Variants in TPST2 observed in about 807,000 individuals in gnomAD.
TPST2 encodes protein-tyrosine sulfotransferase 2.
Under a neutral mutation model 27.8 loss-of-function variants are expected in TPST2, and 16 were observed. That is an observed-to-expected ratio of 0.58 (90% CI 0.39 to 0.88). TPST2 has a LOEUF of 0.88. Ranked by LOEUF, TPST2 falls within the 40% of genes least tolerant of loss-of-function variation. The pLI, the probability that TPST2 is intolerant of heterozygous loss-of-function variation, is 0.00. For missense variants in TPST2, 464 were observed against 543.1 expected (o/e 0.85, Z 1.45); for synonymous variants, 229 against 231.7 (o/e 0.99, Z 0.10).
intron 4 of TPST2, among the ~76,000 whole-genome samples, chr22:26,535,655 A>C (rs935981467): frequency 2.6e-5 from 4 of 152,184 alleles, no homozygotes; most frequent in Non-Finnish European, 4.4e-5. Flanking sequence ...GTGCACCTGC[A>C]GTCCTAGCTA....
At chr22:26,559,373 A>G (rs549803572) in intron 1 of TPST2, among the ~76,000 whole-genome samples, 100 of 152,370 alleles carry the variant, frequency 6.6e-4, no homozygotes, top group African/African-American at 2.3e-3. Flanking sequence ...CTCAAAAAAA[A>G]TAAAAAAATA....
chr22:26,566,862 T>C (rs2147226191), intron 1 of TPST2, among the ~76,000 whole-genome samples: 1 of 152,340 alleles, frequency 6.6e-6, no homozygotes, highest in Admixed American at 6.5e-5. Flanking sequence ...ATTGTAATTG[T>C]CCATCTTGGA....
chr22:26,555,720 C>T (rs111884160), intron 1 of TPST2, among the ~76,000 whole-genome samples: 3,571 of 152,312 alleles, frequency 0.023, 146 homozygotes, highest in African/African-American at 0.082. Context: ...GTTCAGGGCA[C>T]GCTGGAGCAC....
intron 5 of TPST2, among the ~76,000 whole-genome samples, chr22:26,531,793 T>C (rs1400526870): frequency 6.6e-6 from 1 of 152,180 alleles, no homozygotes; most frequent in Non-Finnish European, 1.5e-5. Context: ...GTGCGCAGGC[T>C]ATCCACACTT....
At chr22:26,529,002 A>AAAC (rs1555927206) in intron 5 of TPST2, among the ~76,000 whole-genome samples, 2 of 58,860 alleles carry the variant, frequency 3.4e-5, no homozygotes, top group African/African-American at 1.1e-4. Context: ...AAACAAAAAC[A>AAAC]AAAAAAAAAC....
intron 5 of TPST2, among the ~76,000 whole-genome samples, chr22:26,530,699 A>T (rs1043049806): frequency 7.9e-5 from 12 of 151,222 alleles, no homozygotes; most frequent in African/African-American, 2.9e-4. Context: ...TTGAACAACA[A>T]GGCTAAAAGT....
chr22:26,550,623 C>G, intron 1 of TPST2: 4 of 985,636 alleles, frequency 4.1e-6, no homozygotes, highest in Non-Finnish European at 4.8e-6. Context: ...CCAGTGCCCA[C>G]GTGCTCAGGC....
chr22:26,529,213 G>A (rs1925015264), intron 5 of TPST2, among the ~76,000 whole-genome samples: 1 of 151,976 alleles, frequency 6.6e-6, no homozygotes, highest in Admixed American at 6.6e-5. Context: ...TGCAACCTCC[G>A]CGTCCTGAGC....
chr22:26,570,937 G>T (rs958821138), intron 1 of TPST2, among the ~76,000 whole-genome samples: 1 of 152,134 alleles, frequency 6.6e-6, no homozygotes, highest in East Asian at 1.9e-4. Context: ...TGTTTCAGGC[G>T]TTCACTTCTT....
At chr22:26,578,853 CTTTT>C (rs869169533) in intron 1 of TPST2, among the ~76,000 whole-genome samples, 9 of 138,928 alleles carry the variant, frequency 6.5e-5, no homozygotes, top group African/African-American at 1.3e-4. Context: ...TTCTTTCTTT[CTTTT>C]TTTTTTTTTT....
intron 1 of TPST2, among the ~76,000 whole-genome samples, chr22:26,555,917 C>G (rs1336861623): frequency 6.6e-6 from 1 of 152,236 alleles, no homozygotes; most frequent in Non-Finnish European, 1.5e-5. Context: ...CACACTCACA[C>G]AGCAGGTGCA....
intron 1 of TPST2, among the ~76,000 whole-genome samples, chr22:26,575,928 G>A (rs1378640383): frequency 1.3e-5 from 2 of 151,954 alleles, no homozygotes; most frequent in African/African-American, 4.8e-5. Context: ...CCTGGGAGGC[G>A]GAGGTTGCAG....
chr22:26,577,419 A>T (rs974146582), intron 1 of TPST2, among the ~76,000 whole-genome samples: 3 of 151,446 alleles, frequency 2.0e-5, no homozygotes, highest in African/African-American at 7.3e-5. Flanking sequence ...ATCTTGGCTC[A>T]CTGTAACTTC....
chr22:26,557,910 G>A (rs2147214261), intron 1 of TPST2, among the ~76,000 whole-genome samples: 1 of 150,404 alleles, frequency 6.6e-6, no homozygotes, highest in Admixed American at 6.6e-5. Flanking sequence ...AGCCGGGTGT[G>A]GTGGCATGCT....
At chr22:26,550,743 A>C in intron 1 of TPST2, 2 of 770,060 alleles carry the variant, frequency 2.6e-6, no homozygotes, top group Non-Finnish European at 3.2e-6. Flanking sequence ...ACTCCCACCC[A>C]CCACGCCTCA....
At chr22:26,586,250 T>C (rs1037833893) in intron 1 of TPST2, among the ~76,000 whole-genome samples, 2 of 151,876 alleles carry the variant, frequency 1.3e-5, no homozygotes, top group Non-Finnish European at 2.9e-5. Context: ...TTTTAATATT[T>C]AATTGATTTT....
chr22:26,560,991 G>T, intron 1 of TPST2: 1 of 1,609,100 alleles, frequency 6.2e-7, no homozygotes, highest in Non-Finnish European at 8.5e-7. Flanking sequence ...GGAAAAATAC[G>T]AAAAGGATAT....
chr22:26,555,251 C>T (rs1300097415), intron 1 of TPST2: 1 of 531,544 alleles, frequency 1.9e-6, no homozygotes, highest in Non-Finnish European at 3.8e-6. Context: ...AAAAGTAATG[C>T]AGTTTTTGCC....
chr22:26,563,550 C>T (rs1255516314), intron 1 of TPST2, among the ~76,000 whole-genome samples: 1 of 151,852 alleles, frequency 6.6e-6, no homozygotes, highest in Non-Finnish European at 1.5e-5. Flanking sequence ...AGGATGGTCT[C>T]AATCTCCTGA....
Sources: gnomAD v4.1 joint callset for allele counts (sites outside exome capture counted in the v4.1 genomes callset) on GRCh38, gnomAD v4.1.1 for gene constraint, MANE v1.5 for transcripts, NCBI Gene and HGNC (gene_info 2026-07-23, HGNC 2026-07-21) for gene names.